Variants in ABCD3 observed in about 807,000 individuals in gnomAD.
The protein encoded by ABCD3 is ATP-binding cassette sub-family D member 3.
In ABCD3, 41 loss-of-function variants were observed where a neutral mutation model predicts 105.5. The observed-to-expected ratio is 0.39, with a 90% CI of 0.30 to 0.50. The LOEUF is 0.50. Among genes scored for constraint, ABCD3 ranks in the 20% least tolerant of loss-of-function variants. The pLI is 0.84. For synonymous variants in ABCD3, 258 were observed against 269.0 expected (o/e 0.96, Z 0.40); for missense variants, 622 against 806.3 (o/e 0.77, Z 2.77).
At chr1:94,405,940 A>G in the ABCD3 span, among the ~76,000 whole-genome samples, 3 of 150,334 alleles carry the variant, frequency 2.0e-5, no homozygotes, top group Admixed American at 6.6e-5. Flanking sequence ...TTTAAAAATT[A>G]TATTTATCAA....
At chr1:94,409,173 T>C in the ABCD3 span, among the ~76,000 whole-genome samples, 1 of 152,148 alleles carries the variant, frequency 6.6e-6, no homozygotes, top group Non-Finnish European at 1.5e-5. Context: ...AGCGTGATTA[T>C]AGTAAAAAAT....
chr1:94,418,930 C>G (rs909984767), intron 1 of ABCD3: 1 of 376,696 alleles, frequency 2.7e-6, no homozygotes, highest in Non-Finnish European at 4.9e-6. Context: ...CTACATCACC[C>G]CCTTCTGTGT....
At chr1:94,471,565 G>GT (rs1353512579) in intron 4 of ABCD3, among the ~76,000 whole-genome samples, 1 of 149,666 alleles carries the variant, frequency 6.7e-6, no homozygotes, top group Non-Finnish European at 1.5e-5. Flanking sequence ...TTCACCAATT[G>GT]TAAAACACTC....
chr1:94,484,338 A>G (rs1291360244), intron 10 of ABCD3, among the ~76,000 whole-genome samples: 2 of 152,216 alleles, frequency 1.3e-5, no homozygotes, highest in Admixed American at 6.5e-5. Context: ...ACATGCACAC[A>G]TACGTTTATT....
At chr1:94,498,497 ATAAT>A in intron 16 of ABCD3, 101 bp from the exon 17 acceptor site, 1 of 1,167,350 alleles carries the variant, frequency 8.6e-7, no homozygotes, top group Non-Finnish European at 1.3e-6. Context: ...TAGAAGGCTT[ATAAT>A]TAGCCAGGAG....
chr1:94,496,806 C>A (rs1254656034), intron 16 of ABCD3, among the ~76,000 whole-genome samples: 1 of 140,442 alleles, frequency 7.1e-6, no homozygotes, highest in Non-Finnish European at 1.5e-5. Context: ...CTTGCTCTGT[C>A]GCCCAGGTTG....
At chr1:94,486,998 T>C (rs1343284376) in intron 10 of ABCD3, among the ~76,000 whole-genome samples, 1 of 152,144 alleles carries the variant, frequency 6.6e-6, no homozygotes, top group Non-Finnish European at 1.5e-5. Flanking sequence ...AGACTTGTAG[T>C]TTTAAGACAA....
chr1:94,500,091 T>G (rs1383097195), intron 20 of ABCD3, among the ~76,000 whole-genome samples: 2 of 152,212 alleles, frequency 1.3e-5, no homozygotes, highest in Non-Finnish European at 2.9e-5. Flanking sequence ...ATGTTTTTGT[T>G]TCAAGGTTCA....
intron 21 of ABCD3, among the ~76,000 whole-genome samples, chr1:94,510,195 G>A (rs1251494150): frequency 4.6e-5 from 7 of 151,978 alleles, no homozygotes; most frequent in Non-Finnish European, 1.5e-5. Context: ...TTGTGTCTTT[G>A]TTCTCCTTGG....
At chr1:94,480,234 A>G (rs1053911094) in intron 8 of ABCD3, 24 of 563,810 alleles carry the variant, frequency 4.3e-5, no homozygotes, top group Non-Finnish European at 7.2e-5. Context: ...AGCAAAATGT[A>G]GGAGAGCTGA....
chr1:94,438,456 G>A (rs1484623664), intron 1 of ABCD3, among the ~76,000 whole-genome samples: 1 of 152,076 alleles, frequency 6.6e-6, no homozygotes, highest in African/African-American at 2.4e-5. Flanking sequence ...GACAACAAAG[G>A]ATTTACAATA....
At chr1:94,470,990 T>C (rs1258808600) in intron 4 of ABCD3, among the ~76,000 whole-genome samples, 1 of 152,124 alleles carries the variant, frequency 6.6e-6, no homozygotes, top group East Asian at 1.9e-4. Context: ...TTAGAGGCCT[T>C]CCTCAAGCAT....
intron 1 of ABCD3, among the ~76,000 whole-genome samples, chr1:94,452,347 C>T (rs1647298123): frequency 6.6e-6 from 1 of 152,104 alleles, no homozygotes. Flanking sequence ...AGAGAGAGCG[C>T]AGTATTAGGT....
intron 13 of ABCD3, among the ~76,000 whole-genome samples, chr1:94,488,350 C>T (rs1043957835): frequency 9.2e-5 from 14 of 151,434 alleles, no homozygotes; most frequent in South Asian, 2.1e-4. Flanking sequence ...TCTTAGATAC[C>T]GGCAACCTAG....
At chr1:94,437,085 GC>G (rs1659934520) in intron 1 of ABCD3, among the ~76,000 whole-genome samples, 1 of 152,230 alleles carries the variant, frequency 6.6e-6, no homozygotes, top group Admixed American at 6.5e-5. Context: ...TTTAAGGAAA[GC>G]AGCCATCTCT....
At chr1:94,423,853 A>G (rs371487437) in intron 1 of ABCD3, among the ~76,000 whole-genome samples, 19 of 152,118 alleles carry the variant, frequency 1.2e-4, no homozygotes, top group South Asian at 4.2e-4. Context: ...TTTCCTGCAA[A>G]CTTCAAAATT....
chr1:94,463,229 T>C (rs1647963096), intron 2 of ABCD3, among the ~76,000 whole-genome samples: 1 of 152,156 alleles, frequency 6.6e-6, no homozygotes, highest in African/African-American at 2.4e-5. Context: ...GCAGGGTAGG[T>C]GGATTCTTTT....
the ABCD3 span, among the ~76,000 whole-genome samples, chr1:94,390,255 A>G: frequency 6.6e-6 from 1 of 152,122 alleles, no homozygotes; most frequent in African/African-American, 2.4e-5. Flanking sequence ...AGTTGAGAAT[A>G]TAATGGATAT....
intron 1 of ABCD3, among the ~76,000 whole-genome samples, chr1:94,449,304 G>A (rs1409599251): frequency 6.6e-6 from 1 of 152,198 alleles, no homozygotes; most frequent in Non-Finnish European, 1.5e-5. Context: ...CCTACTTGGG[G>A]ACAGATCAAG....
Sources: gnomAD v4.1 joint callset for allele counts (sites outside exome capture counted in the v4.1 genomes callset) on GRCh38, gnomAD v4.1.1 for gene constraint, MANE v1.5 for transcripts, NCBI Gene and HGNC (gene_info 2026-07-23, HGNC 2026-07-21) for gene names.